Variants in EXOC4 observed in about 807,000 individuals in gnomAD.
EXOC4 encodes SEC8-like 1.
EXOC4 carries 71 observed loss-of-function variants against 107.2 expected under a neutral mutation model. The observed-to-expected ratio is 0.66, with a 90% CI of 0.55 to 0.81. The LOEUF (loss-of-function observed/expected upper bound fraction) is 0.81. Among genes scored for constraint, EXOC4 ranks in the 30% least tolerant of loss-of-function variants. EXOC4 has a pLI of 0.00. For synonymous variants in EXOC4, 456 were observed against 441.2 expected (o/e 1.03, Z -0.42); for missense variants, 1,108 against 1,189.6 (o/e 0.93, Z 1.01).
At chr7:133,598,443 C>T (rs1039521317) in intron 9 of EXOC4, among the ~76,000 whole-genome samples, 8 of 152,204 alleles carry the variant, frequency 5.3e-5, no homozygotes, top group African/African-American at 1.9e-4. Context: ...TCTGGCATAG[C>T]AGCCACAAGT....
At chr7:133,910,691 C>T (rs538621764) in intron 12 of EXOC4, among the ~76,000 whole-genome samples, 2 of 152,306 alleles carry the variant, frequency 1.3e-5, no homozygotes, top group Middle Eastern at 6.8e-3. Flanking sequence ...CATTTCACTG[C>T]GGTTTCGTCT....
intron 7 of EXOC4, among the ~76,000 whole-genome samples, chr7:133,437,404 G>A (rs1033079664): frequency 6.6e-6 from 1 of 152,074 alleles, no homozygotes; most frequent in Non-Finnish European, 1.5e-5. Context: ...TCTAGCTCAT[G>A]GTCTTTTCCC....
chr7:133,394,436 C>T (rs1354391382), intron 7 of EXOC4, among the ~76,000 whole-genome samples: 1 of 151,992 alleles, frequency 6.6e-6, no homozygotes, highest in African/African-American at 2.4e-5. Context: ...TAAGTCTGTC[C>T]TTAGAATCAT....
chr7:133,506,618 A>G (rs1362003526), intron 9 of EXOC4, among the ~76,000 whole-genome samples: 1 of 152,170 alleles, frequency 6.6e-6, no homozygotes, highest in Non-Finnish European at 1.5e-5. Flanking sequence ...AGATAGTCTT[A>G]TCTAAAATTT....
intron 7 of EXOC4, among the ~76,000 whole-genome samples, chr7:133,453,334 C>T (rs532883297): frequency 1.2e-4 from 18 of 152,254 alleles, no homozygotes; most frequent in Non-Finnish European, 2.4e-4. Flanking sequence ...TAGCATGGAA[C>T]AGTGATACTT....
chr7:133,936,225 A>G (rs1261665778), intron 13 of EXOC4, among the ~76,000 whole-genome samples: 2 of 152,154 alleles, frequency 1.3e-5, no homozygotes, highest in East Asian at 3.9e-4. Context: ...TTGCCTCAAC[A>G]TCAACTGTGA....
intron 10 of EXOC4, among the ~76,000 whole-genome samples, chr7:133,640,641 ATGATGAATGTAGAC>A (rs1350646296): frequency 6.6e-6 from 1 of 152,210 alleles, no homozygotes; most frequent in Non-Finnish European, 1.5e-5. Context: ...CATTCTCTTC[ATGATGAATGTAGAC>A]TGTTTCCTAC....
intron 9 of EXOC4, among the ~76,000 whole-genome samples, chr7:133,598,586 T>C (rs1801736300): frequency 6.6e-6 from 1 of 152,210 alleles, no homozygotes; most frequent in African/African-American, 2.4e-5. Context: ...ACAACTAGGG[T>C]ATGTGAGTCT....
intron 9 of EXOC4, among the ~76,000 whole-genome samples, chr7:133,622,235 A>G (rs928471894): frequency 2.6e-5 from 4 of 151,982 alleles, no homozygotes; most frequent in Non-Finnish European, 5.9e-5. Flanking sequence ...TCGGCCTCCC[A>G]TAGCGCTGGA....
At chr7:133,350,179 T>G (rs1308854800) in intron 5 of EXOC4, among the ~76,000 whole-genome samples, 4 of 152,120 alleles carry the variant, frequency 2.6e-5, no homozygotes, top group African/African-American at 9.6e-5. Flanking sequence ...AAAATTTTCA[T>G]GCAGTCCAAT....
intron 12 of EXOC4, among the ~76,000 whole-genome samples, chr7:133,901,500 A>G (rs1326853372): frequency 6.6e-6 from 1 of 152,132 alleles, no homozygotes; most frequent in African/African-American, 2.4e-5. Context: ...CAGCTTTTCT[A>G]CCTACTATTT....
intron 9 of EXOC4, among the ~76,000 whole-genome samples, chr7:133,517,767 A>C (rs1799906017): frequency 6.6e-6 from 1 of 152,156 alleles, no homozygotes; most frequent in Non-Finnish European, 1.5e-5. Context: ...TGAGATTTGG[A>C]TGGTGACACA....
chr7:133,443,835 T>G (rs1798158534), intron 7 of EXOC4, among the ~76,000 whole-genome samples: 1 of 152,186 alleles, frequency 6.6e-6, no homozygotes. Flanking sequence ...AAGTGTTGGC[T>G]TCTATACACA....
intron 11 of EXOC4, among the ~76,000 whole-genome samples, chr7:133,865,965 A>C (rs1424412401): frequency 1.3e-5 from 2 of 152,168 alleles, no homozygotes; most frequent in Non-Finnish European, 2.9e-5. Flanking sequence ...ATATTTTCTT[A>C]ATAAAGATTA....
At chr7:133,387,974 G>T (rs749820147) in intron 7 of EXOC4, among the ~76,000 whole-genome samples, 1 of 151,166 alleles carries the variant, frequency 6.6e-6, no homozygotes, top group Non-Finnish European at 1.5e-5. Context: ...GGGCTTTGGG[G>T]GGTTTGTTTG....
chr7:133,765,135 T>G (rs1251801077), intron 10 of EXOC4, among the ~76,000 whole-genome samples: 1 of 152,080 alleles, frequency 6.6e-6, no homozygotes, highest in African/African-American at 2.4e-5. Context: ...TTATACTGTT[T>G]ATGAAAATAA....
At chr7:133,324,937 T>C (rs1795202641) in intron 5 of EXOC4, among the ~76,000 whole-genome samples, 1 of 152,242 alleles carries the variant, frequency 6.6e-6, no homozygotes, top group Non-Finnish European at 1.5e-5. Context: ...GCTCTTCTTG[T>C]TGAATTGATC....
intron 4 of EXOC4, among the ~76,000 whole-genome samples, chr7:133,309,632 T>C (rs1290630040): frequency 6.6e-6 from 1 of 152,086 alleles, no homozygotes; most frequent in Non-Finnish European, 1.5e-5. Context: ...GAATATCAGC[T>C]AAAAACCATT....
chr7:133,362,259 C>A (rs181137115), intron 6 of EXOC4, among the ~76,000 whole-genome samples: 488 of 152,206 alleles, frequency 3.2e-3, no homozygotes, highest in Non-Finnish European at 4.7e-3. Context: ...ATATTTATAT[C>A]TTTGATACAT....
Sources: gnomAD v4.1 joint callset for allele counts (sites outside exome capture counted in the v4.1 genomes callset) on GRCh38, gnomAD v4.1.1 for gene constraint, MANE v1.5 for transcripts, NCBI Gene and HGNC (gene_info 2026-07-23, HGNC 2026-07-21) for gene names.